Variants in PTPRD observed in about 807,000 individuals in gnomAD.
PTPRD encodes receptor-type tyrosine-protein phosphatase delta.
A neutral mutation model predicts 214.5 loss-of-function variants in PTPRD; 34 were observed. The ratio of observed to expected loss-of-function variants is 0.16; its 90% CI spans 0.12 to 0.21. The LOEUF is 0.21. Ranked by LOEUF, PTPRD falls within the 10% of genes least tolerant of loss-of-function variation. The pLI is 1.00. For synonymous variants in PTPRD, 1,128 were observed against 845.7 expected (o/e 1.33, Z -5.79); for missense variants, 2,545 against 2,398.7 (o/e 1.06, Z -1.27).
intron 8 of PTPRD, among the ~76,000 whole-genome samples, chr9:9,555,337 C>T (rs2081264076): frequency 6.6e-6 from 1 of 151,986 alleles, no homozygotes; most frequent in Admixed American, 6.6e-5. Context: ...GACCAGTCAC[C>T]TGTTGAGCAA....
At chr9:8,369,286 C>G (rs1037822402) in intron 39 of PTPRD, among the ~76,000 whole-genome samples, 2 of 152,072 alleles carry the variant, frequency 1.3e-5, no homozygotes, top group East Asian at 3.8e-4. Flanking sequence ...TTTCCAAAAT[C>G]TTTCTTTTGA....
At chr9:9,696,212 G>A (rs1035433357) in intron 7 of PTPRD, among the ~76,000 whole-genome samples, 2 of 152,022 alleles carry the variant, frequency 1.3e-5, no homozygotes, top group African/African-American at 2.4e-5. Flanking sequence ...GAATAATTTT[G>A]TAGCCTAACT....
chr9:8,749,091 T>G (rs542036666), intron 11 of PTPRD, among the ~76,000 whole-genome samples: 82 of 151,902 alleles, frequency 5.4e-4, no homozygotes, highest in South Asian at 1.0e-3. Flanking sequence ...ATTTTAAAAA[T>G]AAGAAAAAAA....
chr9:8,495,770 G>A (rs1222351563), intron 26 of PTPRD, among the ~76,000 whole-genome samples: 1 of 152,160 alleles, frequency 6.6e-6, no homozygotes, highest in Non-Finnish European at 1.5e-5. Context: ...AAATGCTGCT[G>A]CACTGGCAAT....
At chr9:10,358,174 C>A (rs2097311833) in intron 2 of PTPRD, among the ~76,000 whole-genome samples, 1 of 151,960 alleles carries the variant, frequency 6.6e-6, no homozygotes, top group East Asian at 1.9e-4. Context: ...TATTATGTAT[C>A]TATGAAAAAT....
intron 10 of PTPRD, among the ~76,000 whole-genome samples, chr9:9,174,264 C>A (rs961129540): frequency 5.3e-5 from 8 of 152,146 alleles, no homozygotes; most frequent in African/African-American, 1.9e-4. Context: ...ATCTTTGTCT[C>A]TCCATCATCT....
chr9:9,030,284 T>C (rs2099600731), intron 10 of PTPRD, among the ~76,000 whole-genome samples: 1 of 134,734 alleles, frequency 7.4e-6, no homozygotes, highest in Non-Finnish European at 1.5e-5. Flanking sequence ...GGCTTTTTTT[T>C]TTTTTTTTTT....
At chr9:10,195,580 C>T (rs573764197) in intron 3 of PTPRD, among the ~76,000 whole-genome samples, 68 of 152,296 alleles carry the variant, frequency 4.5e-4, no homozygotes, top group Admixed American at 1.8e-3. Context: ...CCGTGGCTCA[C>T]GCCTGTGATC....
chr9:10,241,000 A>AAAGAAAGAATT (rs2090921260), intron 3 of PTPRD, among the ~76,000 whole-genome samples: 2 of 145,124 alleles, frequency 1.4e-5, no homozygotes, highest in Non-Finnish European at 3.1e-5. Context: ...TGAAAGAAAG[A>AAAGAAAGAATT]TATAAATACC....
intron 9 of PTPRD, among the ~76,000 whole-genome samples, chr9:9,253,896 G>C (rs537222090): frequency 6.6e-6 from 1 of 152,212 alleles, no homozygotes; most frequent in South Asian, 2.1e-4. Context: ...TTCCTGCAGA[G>C]GGCTTGGGGA....
intron 11 of PTPRD, among the ~76,000 whole-genome samples, chr9:8,982,800 T>A (rs1290456586): frequency 6.6e-6 from 1 of 152,038 alleles, no homozygotes; most frequent in Non-Finnish European, 1.5e-5. Context: ...ATTTTCCTTA[T>A]TTTTACAATA....
intron 3 of PTPRD, among the ~76,000 whole-genome samples, chr9:10,131,590 T>A (rs947027966): frequency 6.6e-6 from 1 of 152,206 alleles, no homozygotes; most frequent in Non-Finnish European, 1.5e-5. Context: ...AGTGCCATTA[T>A]GTATTAAATA....
intron 9 of PTPRD, among the ~76,000 whole-genome samples, chr9:9,292,850 T>C (rs1022716754): frequency 6.1e-5 from 7 of 114,296 alleles, no homozygotes; most frequent in African/African-American, 1.9e-4. Flanking sequence ...AGCTTTTTTG[T>C]TTGTTTGTTT....
intron 2 of PTPRD, among the ~76,000 whole-genome samples, chr9:10,416,084 A>C (rs1057009591): frequency 6.6e-6 from 1 of 151,894 alleles, no homozygotes; most frequent in East Asian, 2.0e-4. Context: ...ATGGTGGCTC[A>C]TGCCTGTAAT....
intron 11 of PTPRD, among the ~76,000 whole-genome samples, chr9:8,999,411 G>A (rs1352945198): frequency 6.6e-6 from 1 of 152,036 alleles, no homozygotes; most frequent in Non-Finnish European, 1.5e-5. Flanking sequence ...ACTTGCTGAA[G>A]GCTCAGATGA....
At chr9:8,876,594 A>C (rs1325711883) in intron 11 of PTPRD, among the ~76,000 whole-genome samples, 1 of 152,302 alleles carries the variant, frequency 6.6e-6, no homozygotes, top group East Asian at 1.9e-4. Flanking sequence ...CTCCTGGCAG[A>C]AATCTATTCA....
intron 7 of PTPRD, among the ~76,000 whole-genome samples, chr9:9,715,809 G>A (rs999964260): frequency 6.6e-6 from 1 of 151,958 alleles, no homozygotes; most frequent in Non-Finnish European, 1.5e-5. Context: ...ATTCTAACAC[G>A]GACCCCTTTA....
chr9:10,200,114 C>T (rs998615673), intron 3 of PTPRD, among the ~76,000 whole-genome samples: 1 of 151,984 alleles, frequency 6.6e-6, no homozygotes, highest in Admixed American at 6.6e-5. Flanking sequence ...GCAATATGTA[C>T]TTCTGAACCC....
chr9:9,552,020 CAT>C (rs2080399457), intron 8 of PTPRD, among the ~76,000 whole-genome samples: 2 of 151,992 alleles, frequency 1.3e-5, no homozygotes, highest in Admixed American at 6.6e-5. Context: ...TATAAAGACA[CAT>C]AAGCCCAACT....
Sources: allele counts gnomAD v4.1 joint callset (sites outside exome capture counted in the v4.1 genomes callset), GRCh38; gene constraint gnomAD v4.1.1; transcripts MANE v1.5; gene names NCBI Gene and HGNC (gene_info 2026-07-23, HGNC 2026-07-21).